STPG2: variants seen among roughly 807,000 people sequenced by gnomAD.
STPG2 encodes sperm-tail PG-rich repeat-containing protein 2.
In STPG2, 56 loss-of-function variants were observed where a neutral mutation model predicts 54.2. That is an observed-to-expected ratio of 1.03 (90% CI 0.83 to 1.29). STPG2 has a LOEUF of 1.29. Ranked by LOEUF, STPG2 falls within the 50% of genes most tolerant of loss-of-function variation. The pLI, the probability that STPG2 is intolerant of heterozygous loss-of-function variation, is 0.00. For missense variants in STPG2, 596 were observed against 544.9 expected (o/e 1.09, Z -0.93); for synonymous variants, 200 against 181.8 (o/e 1.10, Z -0.81).
chr4:97,620,087 G>A (rs1332309309), intron 10 of STPG2, among the ~76,000 whole-genome samples: 1 of 152,070 alleles, frequency 6.6e-6, no homozygotes, highest in Non-Finnish European at 1.5e-5. Context: ...GCCTCCCAAA[G>A]TGCTGGGATT....
chr4:97,726,169 T>C (rs1178525501), intron 9 of STPG2, among the ~76,000 whole-genome samples: 1 of 151,886 alleles, frequency 6.6e-6, no homozygotes, highest in East Asian at 1.9e-4. Context: ...GTTGAAACTT[T>C]GGATAAAATG....
chr4:97,528,722 G>C (rs1731345380), intron 4 of STPG2, among the ~76,000 whole-genome samples: 1 of 152,102 alleles, frequency 6.6e-6, no homozygotes, highest in African/African-American at 2.4e-5. Flanking sequence ...CACATCCCTT[G>C]TAAGTTGTAT....
chr4:98,020,557 C>A (rs983731820), intron 5 of STPG2, among the ~76,000 whole-genome samples: 3 of 152,072 alleles, frequency 2.0e-5, no homozygotes, highest in African/African-American at 7.3e-5. Flanking sequence ...AGGATTCCCT[C>A]TTTTTCTATT....
intron 10 of STPG2, among the ~76,000 whole-genome samples, chr4:97,578,282 T>G (rs895304254): frequency 2.0e-5 from 3 of 152,010 alleles, no homozygotes; most frequent in Non-Finnish European, 2.9e-5. Context: ...ATTTGTGTAT[T>G]TTTGGTAAAT....
At chr4:97,598,064 A>C (rs1175167911) in intron 10 of STPG2, among the ~76,000 whole-genome samples, 1 of 152,158 alleles carries the variant, frequency 6.6e-6, no homozygotes. Context: ...AATAATGTAC[A>C]AAATCAGTAG....
intron 8 of STPG2, among the ~76,000 whole-genome samples, chr4:97,906,072 C>A (rs1036667426): frequency 1.3e-5 from 2 of 152,064 alleles, no homozygotes; most frequent in African/African-American, 2.4e-5. Flanking sequence ...GTAATGAATC[C>A]AGCAGCTGGT....
intron 5 of STPG2, among the ~76,000 whole-genome samples, chr4:98,079,218 T>C (rs903137520): frequency 2.6e-5 from 4 of 152,208 alleles, no homozygotes; most frequent in Non-Finnish European, 5.9e-5. Context: ...AAATAAACAA[T>C]ATATCACCAT....
chr4:97,583,440 C>G (rs534861966), intron 10 of STPG2, among the ~76,000 whole-genome samples: 1 of 152,088 alleles, frequency 6.6e-6, no homozygotes, highest in South Asian at 2.1e-4. Flanking sequence ...CAGCATTGAG[C>G]CTTCACTTTA....
rs527589715 is a variant in STPG2, at chr4:97,775,099, C to T, written c.1205-62285G>A. 2.5e-4 allele frequency among the ~76,000 whole-genome samples: 38 copies of T among 152,218 alleles called. No individual in the cohort carries two copies. The South Asian group carries it at 7.3e-3, about 29-fold the overall frequency. ...AATGTAGTCAGTCTATCCTATTTAC[C>T]ATCCTGTTGTGATAAAAAGGGCGCA... On this transcript the variant is annotated intron_variant, in intron 9 of 10. Transcript: ENST00000295268.
chr4:97,538,257 G>C (rs1297365105), intron 4 of STPG2, among the ~76,000 whole-genome samples: 2 of 152,146 alleles, frequency 1.3e-5, no homozygotes. Context: ...AGCTAAAGGA[G>C]GAAGTTCAAA....
At position 97,595,432 on chromosome 4, in the gene STPG2, C is replaced by T. The variant is rs1034757057; in HGVS notation, c.1321-36315G>A. Among the ~76,000 whole-genome samples, 7 of 151,934 alleles carry T rather than the reference C, an allele frequency of 4.6e-5. No individual in the cohort carries two copies. In the East Asian group the frequency reaches 9.7e-4, roughly 21 times the overall value. ...CTTGGACACAGGAAGGGGAACATCA[C>T]ACACCGGGGCCTGTCATGGGGTAGG... is the stretch of plus-strand genomic sequence containing the variant. On this transcript the variant is annotated intron_variant, in intron 10 of 10. Coordinates refer to ENST00000295268, the MANE Select transcript of STPG2 (RefSeq NM_174952.3).
intron 9 of STPG2, among the ~76,000 whole-genome samples, chr4:97,824,743 C>G (rs1728200997): frequency 6.6e-6 from 1 of 152,170 alleles, no homozygotes; most frequent in Admixed American, 6.5e-5. Context: ...ATTGGCTGCT[C>G]TAGACTCCTT....
At chr4:97,982,948 TATA>T (rs769650221) in intron 5 of STPG2, among the ~76,000 whole-genome samples, 1 of 152,204 alleles carries the variant, frequency 6.6e-6, no homozygotes, top group Non-Finnish European at 1.5e-5. Flanking sequence ...CCTCTATATT[TATA>T]ATAAGTACTT....
rs971796485 is a variant in STPG2, at chr4:97,944,518, T to G, written c.934-511A>C. The stretch of plus-strand genomic sequence containing the variant: ...TTAATAGGCTAGAGGAATCTAGTAA[T>G]GTAATATTTCAATGAGCAATTAATC... On this transcript the variant is annotated intron_variant, in intron 7 of 10. Coordinates refer to ENST00000295268, the MANE Select transcript of STPG2 (RefSeq NM_174952.3). 5.3e-5 allele frequency among the ~76,000 whole-genome samples: 8 copies of G among 152,094 alleles called. No homozygotes were observed. The East Asian group carries it at 1.5e-3, about 29-fold the overall frequency.
intron 9 of STPG2, among the ~76,000 whole-genome samples, chr4:97,755,354 C>A (rs1039687782): frequency 1.3e-5 from 2 of 152,262 alleles, no homozygotes; most frequent in South Asian, 2.1e-4. Context: ...TAGAAAGCAA[C>A]CCTGGTTCAA....
At chr4:97,924,914 T>A (rs891974164) in intron 8 of STPG2, among the ~76,000 whole-genome samples, 3 of 152,194 alleles carry the variant, frequency 2.0e-5, no homozygotes, top group Non-Finnish European at 2.9e-5. Flanking sequence ...ATACAAAATG[T>A]TGGATGGATG....
At chr4:97,543,949 A>G (rs1388288888) in intron 4 of STPG2, among the ~76,000 whole-genome samples, 7 of 152,100 alleles carry the variant, frequency 4.6e-5, no homozygotes, top group Admixed American at 3.9e-4. Flanking sequence ...ACACATTAGT[A>G]TACTTCAATG....
At chr4:97,571,908 T>C (rs574202682) in intron 10 of STPG2, among the ~76,000 whole-genome samples, 3 of 152,284 alleles carry the variant, frequency 2.0e-5, no homozygotes, top group Admixed American at 6.5e-5. Context: ...TATGACATTG[T>C]CACCAAGCTT....
At chr4:97,694,657 C>T (rs1723502730) in intron 10 of STPG2, among the ~76,000 whole-genome samples, 1 of 149,654 alleles carries the variant, frequency 6.7e-6, no homozygotes, top group African/African-American at 2.5e-5. Flanking sequence ...AAAAAAAATA[C>T]AAAAAGTTAG....
Sources: allele counts gnomAD v4.1 joint callset (sites outside exome capture counted in the v4.1 genomes callset), GRCh38; gene constraint gnomAD v4.1.1; transcripts MANE v1.5; gene names NCBI Gene and HGNC (gene_info 2026-07-23, HGNC 2026-07-21).